Variants in RAB27A observed in about 807,000 individuals in gnomAD.
RAB27A encodes the protein RAB27A, member RAS oncogene family, also known as ras-related protein Rab-27A.
In RAB27A, 17 loss-of-function variants were observed where a neutral mutation model predicts 20.8. That is an observed-to-expected ratio of 0.82 (90% CI 0.56 to 1.23). The LOEUF is 1.23. Among genes scored for constraint, RAB27A ranks in the 50% most tolerant of loss-of-function variants. RAB27A has a pLI of 0.00. For missense variants in RAB27A, 277 were observed against 266.7 expected (o/e 1.04, Z -0.27); for synonymous variants, 85 against 92.8 (o/e 0.92, Z 0.48).
chr15:55,247,385 A>G (rs1156988231), intron 2 of RAB27A, among the ~76,000 whole-genome samples: 1 of 152,154 alleles, frequency 6.6e-6, no homozygotes, highest in African/African-American at 2.4e-5. Context: ...CTCAAAAGAA[A>G]AAAAAAAAAT....
At position 55,205,493 on chromosome 15, in the gene RAB27A, G is replaced by A. The variant is rs1050931; in HGVS notation, c.*14C>T. The A allele has an allele frequency of 0.21, 330,854 of 1,611,066 alleles. 38,214 individuals carry two copies. The highest frequency in any genetic ancestry group is 0.5 in the African/African-American group (37,497 of 74,796). ...CATGGGCCACCTGAACTACTATGTC[G>A]CTTACTTGACTTCTCAACAGCCACA... On this transcript the variant is annotated 3_prime_UTR_variant, in exon 7 of 7. Coordinates refer to ENST00000336787, the MANE Select transcript of RAB27A (RefSeq NM_183235.3).
chr15:55,245,578 C>T (rs1896655523), intron 2 of RAB27A, among the ~76,000 whole-genome samples: 1 of 152,144 alleles, frequency 6.6e-6, no homozygotes, highest in Non-Finnish European at 1.5e-5. Flanking sequence ...TAACATAAGT[C>T]CATCCTTAAC....
chr15:55,206,620 G>T (rs1894664961), intron 6 of RAB27A, among the ~76,000 whole-genome samples: 1 of 152,152 alleles, frequency 6.6e-6, no homozygotes, highest in Non-Finnish European at 1.5e-5. Context: ...GGGACTACAG[G>T]TGTGAGCTGC....
At chr15:55,256,983 A>G (rs1897103001) in intron 2 of RAB27A, among the ~76,000 whole-genome samples, 3 of 152,184 alleles carry the variant, frequency 2.0e-5, no homozygotes, top group Admixed American at 2.0e-4. Flanking sequence ...GCCGCATGGG[A>G]ATGGGAAGAA....
intron 2 of RAB27A, among the ~76,000 whole-genome samples, chr15:55,300,041 C>G (rs975439869): frequency 1.3e-5 from 2 of 151,882 alleles, no homozygotes; most frequent in East Asian, 1.9e-4. Context: ...AGGATGGTCT[C>G]GAGCTCCTGA....
At chr15:55,223,730 C>T (rs1465329058) in intron 6 of RAB27A, among the ~76,000 whole-genome samples, 159 bp downstream of exon 6, 1 of 152,172 alleles carries the variant, frequency 6.6e-6, no homozygotes, top group Non-Finnish European at 1.5e-5. Context: ...TCAATGGATC[C>T]TACTATCATA....
At chr15:55,306,761 A>G (rs1322892760) in intron 2 of RAB27A, among the ~76,000 whole-genome samples, 2 of 152,172 alleles carry the variant, frequency 1.3e-5, no homozygotes, top group Non-Finnish European at 2.9e-5. Context: ...GGGACGCCGC[A>G]TTCTCCATAG....
chr15:55,274,552 C>T (rs540864176), intron 1 of RAB27A, among the ~76,000 whole-genome samples: 2 of 150,546 alleles, frequency 1.3e-5, no homozygotes, highest in South Asian at 2.1e-4. Context: ...CCAAGGCGTG[C>T]GTATAACCTG....
chr15:55,209,255 T>A (rs1029424398), intron 6 of RAB27A, among the ~76,000 whole-genome samples: 2 of 152,170 alleles, frequency 1.3e-5, no homozygotes, highest in African/African-American at 4.8e-5. Context: ...TCAAACCATA[T>A]GTTTGTACCT....
intron 2 of RAB27A, among the ~76,000 whole-genome samples, chr15:55,242,916 A>G (rs563702924): frequency 4.3e-4 from 65 of 152,342 alleles, no homozygotes; most frequent in Non-Finnish European, 8.4e-4. Flanking sequence ...TCATGTATGC[A>G]TATTTTTCTT....
intron 5 of RAB27A, among the ~76,000 whole-genome samples, chr15:55,225,116 A>C (rs1895745150): frequency 6.6e-6 from 1 of 152,194 alleles, no homozygotes; most frequent in Non-Finnish European, 1.5e-5. Flanking sequence ...CACATCACTG[A>C]ATACTTAACC....
At chr15:55,309,244 A>C (rs67230579) in intron 2 of RAB27A, among the ~76,000 whole-genome samples, 21,964 of 152,188 alleles carry the variant, frequency 0.14, 2,257 homozygotes, top group East Asian at 0.55. Flanking sequence ...GTTGCTTTAG[A>C]GTTTTGGGAT....
intron 2 of RAB27A, among the ~76,000 whole-genome samples, chr15:55,264,105 G>A (rs1339481705): frequency 1.3e-5 from 2 of 152,196 alleles, no homozygotes; most frequent in African/African-American, 4.8e-5. Context: ...GAGTTGGAGT[G>A]CAGTGGTCCG....
chr15:55,217,031 G>A (rs969245092), intron 6 of RAB27A, among the ~76,000 whole-genome samples: 3 of 149,036 alleles, frequency 2.0e-5, no homozygotes, highest in African/African-American at 7.5e-5. Context: ...AGTTACTCAT[G>A]CTAAAAGACA....
intron 2 of RAB27A, among the ~76,000 whole-genome samples, chr15:55,308,429 T>C (rs926215414): frequency 4.6e-5 from 7 of 152,256 alleles, no homozygotes; most frequent in African/African-American, 1.4e-4. Context: ...GTGAGGACTA[T>C]TAGTTCTGCC....
In RAB27A at chr15:55,223,922, T is replaced by A. The variant is rs780379424; in HGVS notation, c.434A>T (p.Glu145Val). The A allele has an allele frequency of 6.2e-7, 1 of 1,613,964 alleles. No homozygotes were observed. Among genetic ancestry groups the A allele is most frequent in the Admixed American group, 1.7e-5 (1 of 60,020 alleles). The change falls in exon 6 of 7, where the codon GAG becomes GTG. Residue 145 changes from glutamate to valine, a missense_variant. Coordinates refer to ENST00000336787, the MANE Select transcript of RAB27A (RefSeq NM_183235.3). ...SDLEDQRVVK[E>V]EEAIALAEKY... The stretch of plus-strand genomic sequence containing the variant: ...CTCTGCGAGTGCTATGGCTTCCTCC[T>A]CTTTCACTACTCTCTGGTCCTCCAG...
chr15:55,270,068 T>C (rs139336721), intron 2 of RAB27A, 97 bp downstream of exon 2: 1 of 152,212 alleles, frequency 6.6e-6, no homozygotes, highest in Non-Finnish European at 1.5e-5. Context: ...GCAATGGTAT[T>C]GTATGTTATA....
At chr15:55,311,490 G>A (rs569685982) in intron 2 of RAB27A, among the ~76,000 whole-genome samples, 1 of 152,186 alleles carries the variant, frequency 6.6e-6, no homozygotes, top group Non-Finnish European at 1.5e-5. Flanking sequence ...TATTAGTTGG[G>A]GAAGGAGTCG....
chr15:55,303,544 C>T (rs1269969457), intron 2 of RAB27A, among the ~76,000 whole-genome samples: 264 of 64,640 alleles, frequency 4.1e-3, no homozygotes, highest in Non-Finnish European at 4.9e-3. Flanking sequence ...GCCAGCCGCC[C>T]CGTCCGGGAG....
Sources: gnomAD v4.1 joint callset for allele counts (sites outside exome capture counted in the v4.1 genomes callset) on GRCh38, gnomAD v4.1.1 for gene constraint, MANE v1.5 for transcripts, NCBI Gene and HGNC (gene_info 2026-07-23, HGNC 2026-07-21) for gene names.